Variants in GGNBP2 observed in about 807,000 individuals in gnomAD.
GGNBP2 encodes the protein gametogenetin binding protein 2.
Under a neutral mutation model 85.9 loss-of-function variants are expected in GGNBP2, and 10 were observed. The ratio of observed to expected loss-of-function variants is 0.12; its 90% CI spans 0.07 to 0.20. The LOEUF (loss-of-function observed/expected upper bound fraction) is 0.20. GGNBP2 is among the 10% of genes least tolerant of loss of function. The pLI is 1.00. For missense variants in GGNBP2, 595 were observed against 857.8 expected, an observed-to-expected ratio of 0.69 and a Z score of 3.83; for synonymous variants, 287 against 285.7, an observed-to-expected ratio of 1.00 and a Z score of -0.05.
chr17:36,575,844 A>G (rs1055456046), intron 6 of GGNBP2, among the ~76,000 whole-genome samples: 3 of 149,168 alleles, frequency 2.0e-5, no homozygotes, highest in Non-Finnish European at 4.5e-5. Flanking sequence ...ACGGGGTTTC[A>G]CCATGTTGGC....
intron 2 of GGNBP2, among the ~76,000 whole-genome samples, chr17:36,554,529 G>C (rs543141516): frequency 5.3e-5 from 8 of 151,648 alleles, no homozygotes; most frequent in Non-Finnish European, 1.2e-4. Flanking sequence ...CACCAAACCT[G>C]CCTAATTTTA....
chr17:36,559,408 G>A (rs1487896696), intron 4 of GGNBP2, among the ~76,000 whole-genome samples: 4 of 151,686 alleles, frequency 2.6e-5, no homozygotes, highest in African/African-American at 7.3e-5. Flanking sequence ...CTAAGTTTGA[G>A]ATAGCGATTA....
chr17:36,586,517 T>G, intron 12 of GGNBP2: 1 of 335,402 alleles, frequency 3.0e-6, no homozygotes. Flanking sequence ...TGAATGTATA[T>G]TGGCAGGTGT....
chr17:36,578,222 G>A, intron 7 of GGNBP2, 36 bp downstream of exon 7: 1 of 1,494,334 alleles, frequency 6.7e-7, no homozygotes. Context: ...GGGCTATCTA[G>A]CGCTTTGCTT....
rs1009661109 is a variant in GGNBP2, at chr17:36,545,641, A to AGCG, written c.-75_-73dup. On this transcript the variant is annotated 5_prime_UTR_variant, in exon 2 of 14. Transcript: ENST00000613102. Reference sequence around the variant, plus strand: ...CAGGCAGGAGCTGGGAGGAGGCGGCAGCGGCGGCGGCAGAAACAGCAGCGG... The same window carrying AGCG: ...CAGGCAGGAGCTGGGAGGAGGCGGCAGCGGCGGCGGCGGCAGAAACAGCAGCGG... The AGCG allele has an allele frequency of 9.6e-5, 102 of 1,062,770 alleles. No individual in the cohort carries two copies. Among genetic ancestry groups the AGCG allele is most frequent in the Non-Finnish European group, 1.4e-4 (98 of 708,024 alleles). The allele number at this position is 1,062,770 out of a possible 1,614,324, so 65.8% of individuals were successfully genotyped here.
At chr17:36,575,631 T>TAC (rs2074570188) in intron 6 of GGNBP2, among the ~76,000 whole-genome samples, 1 of 45,438 alleles carries the variant, frequency 2.2e-5, no homozygotes, top group Non-Finnish European at 4.4e-5. Context: ...TATATATATA[T>TAC]ATATATATAT....
intron 2 of GGNBP2, 44 bp downstream of exon 2, chr17:36,545,861 C>T (rs760748748): frequency 4.8e-5 from 65 of 1,366,940 alleles, no homozygotes; most frequent in Non-Finnish European, 5.8e-5. Flanking sequence ...CCCCTGGCAG[C>T]TGTTTCCCCT....
At position 36,554,937 on chromosome 17, in the gene GGNBP2, TG is replaced by T. The variant is rs550800243; in HGVS notation, c.174+38del. ...TTCAATCAGTGTTTTTAATGGTGTA[TG>T]TGTATTTTAAAGACTCATTTAAAAT... On this transcript the variant is annotated intron_variant, in intron 3 of 13. Coordinates refer to ENST00000613102, the MANE Select transcript of GGNBP2 (RefSeq NM_024835.5). 7,715 of 1,224,806 alleles carry T rather than the reference TG, an allele frequency of 6.3e-3. 40 individuals are homozygous for T. Among genetic ancestry groups the T allele is most frequent in the Non-Finnish European group, 7.6e-3 (6,265 of 828,852 alleles). 75.9% of individuals were successfully genotyped at this position (1,224,806 alleles called of 1,614,324 possible).
At chr17:36,575,209 G>A (rs910748565) in intron 6 of GGNBP2, 21 of 640,400 alleles carry the variant, frequency 3.3e-5, no homozygotes, top group Middle Eastern at 4.1e-4. Context: ...GGCCTCAGCC[G>A]CGGCCTCAGC....
At chr17:36,545,860 G>A in intron 2 of GGNBP2, 43 bp downstream of exon 2, 1 of 1,402,836 alleles carries the variant, frequency 7.1e-7, no homozygotes, top group Non-Finnish European at 9.9e-7. Flanking sequence ...TCCCCTGGCA[G>A]CTGTTTCCCC....
At chr17:36,558,117 GAAAA>G (rs975085647) in intron 4 of GGNBP2, among the ~76,000 whole-genome samples, 1 of 142,634 alleles carries the variant, frequency 7.0e-6, no homozygotes, top group Non-Finnish European at 1.5e-5. Flanking sequence ...GTTTCAAAAA[GAAAA>G]AAAGAAGAGC....
At chr17:36,563,993 C>G (rs2142729231) in intron 5 of GGNBP2, among the ~76,000 whole-genome samples, 1 of 152,350 alleles carries the variant, frequency 6.6e-6, no homozygotes, top group Admixed American at 6.5e-5. Context: ...ATCAACCCGC[C>G]TTGGCCTCCC....
intron 6 of GGNBP2, chr17:36,575,189 T>C: frequency 6.2e-6 from 4 of 648,794 alleles, no homozygotes; most frequent in Non-Finnish European, 1.1e-5. Context: ...CTTGCCTCCA[T>C]GAGCTCTGCG....
intron 9 of GGNBP2, chr17:36,582,455 G>A (rs1377969629): frequency 6.6e-6 from 1 of 152,172 alleles, no homozygotes; most frequent in Non-Finnish European, 1.5e-5. Context: ...AAAAAAGTCT[G>A]TACATGTTCA....
intron 9 of GGNBP2, 96 bp downstream of exon 9, chr17:36,581,634 C>CT (rs1447997046): frequency 4.1e-5 from 35 of 848,994 alleles, no homozygotes; most frequent in South Asian, 2.2e-4. Flanking sequence ...GATCCCAGCA[C>CT]TTTGGGAGGC....
At position 36,567,727 on chromosome 17, in the gene GGNBP2, G is replaced by A; in HGVS notation, c.592G>A (p.Asp198Asn). 1.2e-6 allele frequency: 2 copies of A among 1,609,866 alleles called. No individual in the cohort carries two copies. Among genetic ancestry groups the A allele is most frequent in the Non-Finnish European group, 8.5e-7 (1 of 1,176,364 alleles). Residue 198 changes from aspartate (D) to asparagine (N), a missense_variant, in exon 6 of 14, where the codon GAC becomes AAC. Coordinates refer to ENST00000613102, the MANE Select transcript of GGNBP2 (RefSeq NM_024835.5). Reference protein sequence around the residue: ...QECRDEVVLIDSSCLLETLET... With the variant: ...QECRDEVVLINSSCLLETLET... Reference sequence around the variant, plus strand: ...ATGCAGGGATGAAGTAGTTTTAATTGACTCGAGTTGTCTTTTAGAAACACT... The same window carrying A: ...ATGCAGGGATGAAGTAGTTTTAATTAACTCGAGTTGTCTTTTAGAAACACT...
At chr17:36,571,094 A>G (rs2074519657) in intron 6 of GGNBP2, among the ~76,000 whole-genome samples, 1 of 152,192 alleles carries the variant, frequency 6.6e-6, no homozygotes, top group Non-Finnish European at 1.5e-5. Flanking sequence ...ACGTGATAGA[A>G]CATCATTAGA....
At chr17:36,565,827 C>T (rs1468406276) in intron 5 of GGNBP2, among the ~76,000 whole-genome samples, 2 of 150,748 alleles carry the variant, frequency 1.3e-5, no homozygotes, top group East Asian at 2.0e-4. Flanking sequence ...ACCTGGGAGG[C>T]GGAGGTTGCA....
At chr17:36,575,181 T>C (rs1009125142) in intron 6 of GGNBP2, 2 of 651,016 alleles carry the variant, frequency 3.1e-6, no homozygotes, top group Non-Finnish European at 5.6e-6. Context: ...TCCTCGGCCT[T>C]GCCTCCATGA....
Sources: gnomAD v4.1 joint callset for allele counts (sites outside exome capture counted in the v4.1 genomes callset) on GRCh38, gnomAD v4.1.1 for gene constraint, MANE v1.5 for transcripts, NCBI Gene and HGNC (gene_info 2026-07-23, HGNC 2026-07-21) for gene names.